The following TFDP2 variants were observed in gnomAD, a reference collection of about 807,000 sequenced individuals.
The protein encoded by TFDP2 is transcription factor Dp-2 (E2F dimerization partner 2).
TFDP2 carries 17 observed loss-of-function variants against 59.3 expected under a neutral mutation model. The observed-to-expected ratio is 0.29, with a 90% confidence interval of 0.20 to 0.43. The LOEUF (loss-of-function observed/expected upper bound fraction) is 0.43. TFDP2 is among the 20% of genes least tolerant of loss of function. TFDP2 has a pLI of 1.00. For synonymous variants in TFDP2, 180 were observed against 194.7 expected (o/e 0.92, Z 0.63); for missense variants, 391 against 528.8 (o/e 0.74, Z 2.56).
intron 7 of TFDP2, among the ~76,000 whole-genome samples, chr3:141,977,142 C>T (rs184914332): frequency 2.3e-4 from 24 of 106,254 alleles, no homozygotes; most frequent in African/African-American, 7.1e-4. Flanking sequence ...CCCAAAGAGA[C>T]GAAGTCTTGC....
intron 1 of TFDP2, among the ~76,000 whole-genome samples, chr3:142,105,949 G>C (rs1448025084): frequency 9.1e-6 from 1 of 109,336 alleles, no homozygotes; most frequent in Non-Finnish European, 1.9e-5. Flanking sequence ...CACAAGTTAA[G>C]CATTCAATGT....
chr3:142,078,888 C>CA (rs758158047), intron 3 of TFDP2, among the ~76,000 whole-genome samples: 12 of 151,914 alleles, frequency 7.9e-5, no homozygotes, highest in Non-Finnish European at 1.6e-4. Context: ...TGAAGTAACT[C>CA]AAAGAAATTC....
intron 3 of TFDP2, among the ~76,000 whole-genome samples, chr3:142,088,352 A>G (rs1481880721): frequency 6.7e-6 from 1 of 149,730 alleles, no homozygotes; most frequent in Admixed American, 6.7e-5. Flanking sequence ...TTTTTTTGAG[A>G]CAGAGTTTCA....
chr3:142,011,799 C>T (rs2108300330), intron 3 of TFDP2, among the ~76,000 whole-genome samples: 1 of 152,086 alleles, frequency 6.6e-6, no homozygotes, highest in South Asian at 2.1e-4. Context: ...AGAACTAAGG[C>T]TAAGCATTAG....
chr3:142,100,402 C>T (rs1325909121), intron 2 of TFDP2, among the ~76,000 whole-genome samples: 5 of 152,188 alleles, frequency 3.3e-5, no homozygotes, highest in African/African-American at 9.6e-5. Flanking sequence ...GACGAAGTCT[C>T]GCTCTTGTCC....
At chr3:141,974,907 CTTT>C (rs753702830) in intron 7 of TFDP2, among the ~76,000 whole-genome samples, 2 of 90,498 alleles carry the variant, frequency 2.2e-5, no homozygotes, top group Admixed American at 1.3e-4. Flanking sequence ...TCTTCTTCTT[CTTT>C]TTTTTTTTTT....
chr3:142,059,977 A>G (rs531258918), intron 3 of TFDP2, among the ~76,000 whole-genome samples: 31 of 152,260 alleles, frequency 2.0e-4, no homozygotes, highest in South Asian at 4.1e-4. Context: ...AAGTAATCCA[A>G]TATATATTAT....
chr3:142,087,868 T>G (rs537643960), intron 3 of TFDP2, among the ~76,000 whole-genome samples: 1 of 152,364 alleles, frequency 6.6e-6, no homozygotes, highest in Non-Finnish European at 1.5e-5. Context: ...TTATGAGTAA[T>G]AACTTTATTA....
chr3:142,068,728 A>C (rs1016412575), intron 3 of TFDP2, among the ~76,000 whole-genome samples: 2 of 151,596 alleles, frequency 1.3e-5, no homozygotes. Context: ...CACCACCCCC[A>C]GCTAATTTTT....
At chr3:142,002,986 G>A (rs1463194963) in intron 4 of TFDP2, among the ~76,000 whole-genome samples, 1 of 151,902 alleles carries the variant, frequency 6.6e-6, no homozygotes. Context: ...GGGGCAGAAG[G>A]GGGCAAAGAG....
In TFDP2 at chr3:142,113,664, T is replaced by C. The variant is rs2061741783; in HGVS notation, c.-92-11823A>G. 2.6e-5 allele frequency among the ~76,000 whole-genome samples: 4 copies of C among 152,148 alleles called. No homozygotes were observed. In the South Asian group the frequency reaches 8.3e-4, roughly 32 times the overall value. ...ATGTTCAATCTGAGTCATTAAAATGTGATTACTGTGACCAACAAAAGATTC... is the reference window on the plus strand; with the variant it reads ...ATGTTCAATCTGAGTCATTAAAATGCGATTACTGTGACCAACAAAAGATTC... On this transcript the variant is annotated intron_variant, in intron 1 of 12. Coordinates refer to ENST00000489671, the MANE Select transcript of TFDP2 (RefSeq NM_001178139.2).
At chr3:142,103,321 A>C (rs1428124841) in intron 1 of TFDP2, among the ~76,000 whole-genome samples, 1 of 152,082 alleles carries the variant, frequency 6.6e-6, no homozygotes, top group Admixed American at 6.5e-5. Context: ...TGGTCAGGAC[A>C]CTGAACTAGA....
At chr3:142,056,843 C>A (rs1039964135) in intron 3 of TFDP2, among the ~76,000 whole-genome samples, 9 of 152,150 alleles carry the variant, frequency 5.9e-5, no homozygotes, top group African/African-American at 1.9e-4. Flanking sequence ...GTCCAGCCTG[C>A]AGATGACTAC....
intron 1 of TFDP2, among the ~76,000 whole-genome samples, chr3:142,126,871 G>A (rs1053305200): frequency 2.0e-5 from 3 of 151,132 alleles, no homozygotes; most frequent in Non-Finnish European, 2.9e-5. Flanking sequence ...GCTTGAACCC[G>A]GAAGGCGGAG....
intron 11 of TFDP2, among the ~76,000 whole-genome samples, chr3:141,956,474 C>T (rs1169308821): frequency 6.6e-6 from 1 of 151,978 alleles, no homozygotes; most frequent in East Asian, 1.9e-4. Context: ...ATCGCCTGAA[C>T]CCGGGAGGTG....
intron 1 of TFDP2, among the ~76,000 whole-genome samples, chr3:142,141,779 T>C (rs2062972364): frequency 6.6e-6 from 1 of 151,498 alleles, no homozygotes; most frequent in South Asian, 2.1e-4. Flanking sequence ...GCCGATATCA[T>C]GCCACTGCAC....
At chr3:141,997,419 C>G (rs557104665) in intron 4 of TFDP2, among the ~76,000 whole-genome samples, 10 of 152,110 alleles carry the variant, frequency 6.6e-5, no homozygotes, top group African/African-American at 2.4e-4. Context: ...CAACCCTATT[C>G]CTTGAACAGC....
At chr3:142,019,434 G>C (rs969627078) in intron 3 of TFDP2, among the ~76,000 whole-genome samples, 1 of 152,144 alleles carries the variant, frequency 6.6e-6, no homozygotes, top group Admixed American at 6.5e-5. Context: ...ACTTAAAAAG[G>C]CCTGTGTGTG....
intron 6 of TFDP2, among the ~76,000 whole-genome samples, chr3:141,991,349 T>C (rs1388968069): frequency 2.6e-5 from 4 of 152,162 alleles, no homozygotes; most frequent in Non-Finnish European, 5.9e-5. Context: ...ATATAAAATA[T>C]ATAGTAAAAG....
Sources: gnomAD v4.1 joint callset for allele counts (sites outside exome capture counted in the v4.1 genomes callset) on GRCh38, gnomAD v4.1.1 for gene constraint, MANE v1.5 for transcripts, NCBI Gene and HGNC (gene_info 2026-07-23, HGNC 2026-07-21) for gene names.